Variants in RILPL1 observed in about 807,000 individuals in gnomAD.
RILPL1 encodes Rab interacting lysosomal protein like 1, also known as RILP-like protein 1.
Under a neutral mutation model 50.3 loss-of-function variants are expected in RILPL1, and 33 were observed. The ratio of observed to expected loss-of-function variants is 0.66; its 90% confidence interval spans 0.50 to 0.88. The LOEUF is 0.88. RILPL1 is among the 40% of genes least tolerant of loss of function. The probability of loss-of-function intolerance (pLI) is 0.00; values close to 1 mark genes in which losing one functional copy is unlikely to be tolerated. For missense variants in RILPL1, 418 were observed against 542.5 expected (o/e 0.77, Z 2.28); for synonymous variants, 205 against 228.6 (o/e 0.90, Z 0.93).
chr12:123,495,366 C>T (rs1882956755), intron 4 of RILPL1, among the ~76,000 whole-genome samples: 1 of 149,562 alleles, frequency 6.7e-6, no homozygotes, highest in Non-Finnish European at 1.5e-5. Flanking sequence ...CGTTTTTTCC[C>T]TCTTAAACAT....
chr12:123,476,406 A>G (rs959443847), intron 6 of RILPL1, among the ~76,000 whole-genome samples: 2 of 149,038 alleles, frequency 1.3e-5, no homozygotes, highest in Non-Finnish European at 3.0e-5. Context: ...GCGCCATTGC[A>G]CTCCAGCCTG....
At chr12:123,520,727 C>T (rs1000858229) in intron 2 of RILPL1, among the ~76,000 whole-genome samples, 3 of 152,188 alleles carry the variant, frequency 2.0e-5, no homozygotes, top group African/African-American at 4.8e-5. Context: ...GAATGTGCCT[C>T]CCTGCCCTGC....
chr12:123,479,658 G>T (rs1330232386), intron 6 of RILPL1, among the ~76,000 whole-genome samples: 1 of 152,174 alleles, frequency 6.6e-6, no homozygotes, highest in African/African-American at 2.4e-5. Context: ...AGCCCTTTGT[G>T]CCAGTTTGCT....
chr12:123,516,096 C>A (rs1462786482), intron 2 of RILPL1, among the ~76,000 whole-genome samples: 2 of 146,016 alleles, frequency 1.4e-5, no homozygotes, highest in African/African-American at 5.2e-5. Context: ...GCCCAAATCT[C>A]ACTGCTAGTT....
At chr12:123,481,602 A>G (rs1174376188) in intron 6 of RILPL1, among the ~76,000 whole-genome samples, 3 of 151,612 alleles carry the variant, frequency 2.0e-5, no homozygotes, top group Non-Finnish European at 4.4e-5. Flanking sequence ...TGTTGCCCAA[A>G]CTGGAGTGCA....
At chr12:123,523,442 C>A in intron 2 of RILPL1, 53 bp downstream of exon 2, 4 of 1,607,930 alleles carry the variant, frequency 2.5e-6, no homozygotes, top group Non-Finnish European at 3.4e-6. Context: ...CTGATGTGGG[C>A]AATAAGAAAA....
intron 4 of RILPL1, among the ~76,000 whole-genome samples, chr12:123,490,225 G>A (rs1882601680): frequency 6.6e-6 from 1 of 152,090 alleles, no homozygotes; most frequent in Non-Finnish European, 1.5e-5. Context: ...CCCACACCCT[G>A]GGGAAAGAGC....
intron 4 of RILPL1, among the ~76,000 whole-genome samples, chr12:123,490,393 T>C (rs918402425): frequency 6.6e-6 from 1 of 152,126 alleles, no homozygotes; most frequent in African/African-American, 2.4e-5. Context: ...GGGATTTCTG[T>C]GAACACACAC....
chr12:123,495,197 C>T (rs1882947806), intron 4 of RILPL1, among the ~76,000 whole-genome samples: 1 of 151,986 alleles, frequency 6.6e-6, no homozygotes, highest in Non-Finnish European at 1.5e-5. Flanking sequence ...ATACTAGTGG[C>T]AACTGTAGGC....
intron 2 of RILPL1, among the ~76,000 whole-genome samples, chr12:123,511,126 GTCTA>G (rs1566135202): frequency 1.4e-4 from 1 of 7,110 alleles, no homozygotes; most frequent in Non-Finnish European, 4.6e-4. Context: ...GGTGTGTGAG[GTCTA>G]TGTGTGTGTG....
At position 123,512,348 on chromosome 12, in the gene RILPL1, CTGTA is replaced by C. The variant is rs1279293591; in HGVS notation, c.460+11143_460+11146del. The stretch of plus-strand genomic sequence containing the variant: ...GAGGTCTCTGTGTGGTGTGTGAGGT[CTGTA>C]TGTGTGTGTGTGTGTGTGGTGTGTC... On this transcript the variant is annotated intron_variant, in intron 2 of 6. Coordinates refer to ENST00000376874, the MANE Select transcript of RILPL1 (RefSeq NM_178314.5). Among the ~76,000 whole-genome samples the C allele has an allele frequency of 3.8e-4, 35 of 91,622 alleles. 1 individual carries two copies. Among genetic ancestry groups the C allele is most frequent in the Admixed American group, 1.2e-3 (9 of 7,398 alleles). The allele number at this position is 91,622 out of a possible 152,430, so 60.1% of individuals were successfully genotyped here. A position where few individuals can be genotyped will look rare whatever the true frequency, so the allele number is the denominator to read the frequency against.
At chr12:123,512,410 G>GTC in intron 2 of RILPL1, among the ~76,000 whole-genome samples, 1 of 144,256 alleles carries the variant, frequency 6.9e-6, no homozygotes, top group Admixed American at 6.9e-5. Context: ...TGAGGTCTGT[G>GTC]TGTGTGTGGT....
intron 2 of RILPL1, among the ~76,000 whole-genome samples, chr12:123,523,201 C>A (rs868579665): frequency 2.5e-4 from 38 of 152,146 alleles, no homozygotes; most frequent in African/African-American, 8.4e-4. Context: ...TTCCCAAGGG[C>A]AGGGTCTCTG....
At chr12:123,512,191 C>A (rs554736980) in intron 2 of RILPL1, among the ~76,000 whole-genome samples, 955 of 72,130 alleles carry the variant, frequency 0.013, 9 homozygotes, top group African/African-American at 0.048. Context: ...TGTGTGAGGT[C>A]TGTGTGTGTG....
At chr12:123,477,987 CTTTTTT>C (rs56296800) in intron 6 of RILPL1, among the ~76,000 whole-genome samples, 455 of 41,162 alleles carry the variant, frequency 0.011, 3 homozygotes, top group South Asian at 0.034. Context: ...ATCTGTATGT[CTTTTTT>C]TTTTTTTTTT....
At chr12:123,506,989 G>A (rs1318005921) in intron 2 of RILPL1, among the ~76,000 whole-genome samples, 1 of 152,164 alleles carries the variant, frequency 6.6e-6, no homozygotes, top group Non-Finnish European at 1.5e-5. Flanking sequence ...TGCAGAGGCA[G>A]GGATGAAAAG....
Position 123,485,520 on chromosome 12 carries a change from A to G in RILPL1, c.974+113T>C. The G allele has an allele frequency of 9.5e-7, 1 of 1,055,504 alleles. No homozygotes were observed. Among genetic ancestry groups the G allele is most frequent in the Middle Eastern group, 2.0e-4 (1 of 4,942 alleles). 65.4% of individuals were successfully genotyped at this position (1,055,504 alleles called of 1,614,324 possible). ...CTTTAGGCCAGAGAGGGTACCCAAA[A>G]AAAACACTGATGAAATGCTTGTCTT... On this transcript the variant is annotated intron_variant, in intron 5 of 6. Transcript: ENST00000376874. This position sits in a 1 kb window ranked among gnomAD's most constrained non-coding sequence, Gnocchi z 4.0.
Position 123,533,073 on chromosome 12 carries a change from T to A in RILPL1, c.309+101A>T. The A allele has an allele frequency of 7.8e-7, 1 of 1,275,612 alleles. No homozygotes were observed. Among genetic ancestry groups the A allele is most frequent in the Non-Finnish European group, 1.1e-6 (1 of 944,136 alleles). 79.0% of individuals were successfully genotyped at this position (1,275,612 alleles called of 1,614,324 possible). On this transcript the variant is annotated intron_variant, in intron 1 of 6. Coordinates refer to ENST00000376874, the MANE Select transcript of RILPL1 (RefSeq NM_178314.5). This position sits in a 1 kb window ranked among gnomAD's most constrained non-coding sequence, Gnocchi z 6.2. ...GTCGGGTCTCCTCTGGTCCGGTCCC[T>A]GAACACACACACGTGCGCACCCACA... is the stretch of plus-strand genomic sequence containing the variant.
intron 6 of RILPL1, 29 bp from the exon 7 acceptor site, chr12:123,472,711 G>A (rs1392437642): frequency 6.3e-7 from 1 of 1,583,850 alleles, no homozygotes; most frequent in Non-Finnish European, 8.6e-7. Context: ...ACACAGAAAT[G>A]AGAGCTGACC....
Sources: allele counts gnomAD v4.1 joint callset (sites outside exome capture counted in the v4.1 genomes callset), GRCh38; gene constraint gnomAD v4.1.1; non-coding constraint Gnocchi (gnomAD v3.1); transcripts MANE v1.5; gene names NCBI Gene and HGNC (gene_info 2026-07-23, HGNC 2026-07-21).